TTC19: variants seen among roughly 807,000 people sequenced by gnomAD.
TTC19 encodes tetratricopeptide repeat protein 19, mitochondrial.
A neutral mutation model predicts 49.5 loss-of-function variants in TTC19; 38 were observed. The ratio of observed to expected loss-of-function variants is 0.77; its 90% confidence interval spans 0.59 to 1.01. TTC19 has a LOEUF of 1.01. Ranked by LOEUF, TTC19 falls within the 50% of genes least tolerant of loss-of-function variation. TTC19 has a pLI of 0.00. For synonymous variants in TTC19, 204 were observed against 185.2 expected, an observed-to-expected ratio of 1.10 and a Z score of -0.83; for missense variants, 475 against 477.7, an observed-to-expected ratio of 0.99 and a Z score of 0.05.
intron 2 of TTC19, chr17:16,044,369 A>G (rs1237376743): frequency 1.3e-5 from 6 of 470,580 alleles, no homozygotes; most frequent in Non-Finnish European, 2.6e-5. Flanking sequence ...ATTAATCACA[A>G]GAGTGACACA....
intron 7 of TTC19, among the ~76,000 whole-genome samples, chr17:16,023,057 T>C (rs1971434395): frequency 6.6e-6 from 1 of 152,156 alleles, no homozygotes; most frequent in Admixed American, 6.5e-5. Context: ...AGGAACTCTT[T>C]GGGGGAACTT....
intron 7 of TTC19, among the ~76,000 whole-genome samples, chr17:16,016,477 T>C (rs1971219428): frequency 6.6e-6 from 1 of 152,106 alleles, no homozygotes. Flanking sequence ...TTTCTATGAA[T>C]GTCTGTTAGG....
intron 7 of TTC19, among the ~76,000 whole-genome samples, chr17:16,017,916 G>A (rs911705864): frequency 6.6e-6 from 1 of 152,114 alleles, no homozygotes; most frequent in Non-Finnish European, 1.5e-5. Context: ...TTGTAGGGAA[G>A]GTATATGTAT....
intron 2 of TTC19, chr17:16,039,791 G>T: frequency 2.7e-6 from 2 of 752,054 alleles, no homozygotes; most frequent in Admixed American, 5.3e-5. Context: ...CCACCACACA[G>T]AGACCTTTTT....
intron 2 of TTC19, among the ~76,000 whole-genome samples, chr17:16,036,460 A>G (rs992742237): frequency 2.6e-5 from 4 of 152,198 alleles, no homozygotes; most frequent in African/African-American, 9.7e-5. Context: ...TTAGCCCCTA[A>G]CAAGAGAGTC....
chr17:16,039,796 C>CTT, intron 2 of TTC19: 4 of 686,280 alleles, frequency 5.8e-6, no homozygotes, highest in African/African-American at 1.8e-5. Context: ...ACACAGAGAC[C>CTT]TTTTTTTTTG....
At chr17:16,014,882 T>G (rs1259499191) in intron 7 of TTC19, among the ~76,000 whole-genome samples, 1 of 152,180 alleles carries the variant, frequency 6.6e-6, no homozygotes, top group Non-Finnish European at 1.5e-5. Context: ...ATAGGAAACT[T>G]AGTCTTATAT....
intron 7 of TTC19, among the ~76,000 whole-genome samples, chr17:16,010,615 C>G (rs1244684427): frequency 6.6e-6 from 1 of 151,916 alleles, no homozygotes; most frequent in Admixed American, 6.6e-5. Flanking sequence ...GCTGGGACTA[C>G]AGGCACCCGC....
At chr17:16,024,727 G>T in intron 7 of TTC19, 1 of 411,156 alleles carries the variant, frequency 2.4e-6, no homozygotes, top group Non-Finnish European at 4.5e-6. Flanking sequence ...TTGACTTTTT[G>T]TTGTTAACTC....
intron 9 of TTC19, 164 bp from the exon 10 acceptor site, chr17:16,027,210 G>A: frequency 1.3e-6 from 1 of 782,452 alleles, no homozygotes; most frequent in Non-Finnish European, 2.1e-6. Flanking sequence ...AGCATTCAGT[G>A]GAGTTCCAGC....
chr17:16,008,876 C>A (rs771681544), intron 7 of TTC19, among the ~76,000 whole-genome samples: 9 of 152,160 alleles, frequency 5.9e-5, no homozygotes, highest in Non-Finnish European at 1.2e-4. Flanking sequence ...TGCTCTACTC[C>A]TCTTTCCTTT....
exon 3 of TTC19, chr17:16,044,971 A>G: frequency 1.8e-6 from 1 of 554,874 alleles, no homozygotes; most frequent in Non-Finnish European, 3.2e-6. Flanking sequence ...AATTTCTTAT[A>G]ACGTGTTCAA....
chr17:16,001,132 G>C (rs902768882), intron 2 of TTC19, among the ~76,000 whole-genome samples: 1 of 151,434 alleles, frequency 6.6e-6, no homozygotes, highest in Non-Finnish European at 1.5e-5. Context: ...TCTCCATGCA[G>C]AAACCAAAGC....
At chr17:16,000,091 C>G (rs757247336) in intron 1 of TTC19, 27 bp from the exon 2 acceptor site, 280 of 1,460,978 alleles carry the variant, frequency 1.9e-4, no homozygotes, top group Non-Finnish European at 2.4e-4. Context: ...GGGCCGGGCC[C>G]GATGACCTCA....
intron 2 of TTC19, among the ~76,000 whole-genome samples, chr17:16,038,622 AGAC>A (rs1375641179): frequency 6.6e-6 from 1 of 152,062 alleles, no homozygotes; most frequent in Admixed American, 6.6e-5. Context: ...ATTTTTGTAG[AGAC>A]GGGGTTTTCA....
chr17:16,038,803 ACT>A (rs1377378063), intron 2 of TTC19, among the ~76,000 whole-genome samples: 1 of 149,926 alleles, frequency 6.7e-6, no homozygotes, highest in East Asian at 2.0e-4. Context: ...ACGGAGTCTC[ACT>A]CTGTTTCCAG....
intron 7 of TTC19, among the ~76,000 whole-genome samples, chr17:16,019,705 TG>T (rs919403845): frequency 6.6e-6 from 1 of 152,226 alleles, no homozygotes; most frequent in Non-Finnish European, 1.5e-5. Context: ...GTTCTATTGA[TG>T]GACCTGTTGG....
In TTC19 at chr17:16,000,186, G is replaced by A; in HGVS notation, c.253G>A (p.Ala85Thr). ...GCAGCAGGGAGCCGACGGGGCCGCT[G>A]CCGAGGACGGGGCGGACGAGGCCGA... is the stretch of plus-strand genomic sequence containing the variant. ...EEQQGADGAA[A>T]EDGADEAEAE... The change falls in exon 2 of 10, where the codon GCC becomes ACC. Residue 85 changes from alanine to threonine, a missense_variant. Transcript: ENST00000261647. The A allele has an allele frequency of 6.3e-7, 1 of 1,593,704 alleles. No homozygotes were observed. The highest frequency in any genetic ancestry group is 8.5e-7 in the Non-Finnish European group (1 of 1,178,540).
In TTC19 at chr17:16,026,708, T is replaced by C. The variant is rs1208382283; in HGVS notation, c.994+6T>C. 6.8e-6 allele frequency: 11 copies of C among 1,613,930 alleles called. 1 individual carries two copies. The South Asian group carries it at 1.2e-4, about 18-fold the overall frequency. ...TGCAGTTTTGATGCACAGAGGTAGG[T>C]AGCAATGTAAACTTAACTGACTTGC... is the stretch of plus-strand genomic sequence containing the variant. On this transcript the variant is annotated splice_donor_region_variant and intron_variant, in intron 9 of 9. Transcript: ENST00000261647.
Sources: gnomAD v4.1 joint callset for allele counts (sites outside exome capture counted in the v4.1 genomes callset) on GRCh38, gnomAD v4.1.1 for gene constraint, MANE v1.5 for transcripts, NCBI Gene and HGNC (gene_info 2026-07-23, HGNC 2026-07-21) for gene names.